GPR183: variants seen among roughly 807,000 people sequenced by gnomAD.
GPR183 encodes G protein-coupled receptor 183.
In GPR183, 9 loss-of-function variants were observed where a neutral mutation model predicts 19.7. The observed-to-expected ratio is 0.46, with a 90% confidence interval of 0.28 to 0.80. The LOEUF is 0.80. Among genes scored for constraint, GPR183 ranks in the 30% least tolerant of loss-of-function variants. The pLI is 0.13. For missense variants in GPR183, 368 were observed against 446.7 expected (o/e 0.82, Z 1.59); for synonymous variants, 160 against 155.1 (o/e 1.03, Z -0.24).
chr13:99,298,175 CTT>C (rs1246831771), intron 1 of GPR183, among the ~76,000 whole-genome samples: 2 of 152,086 alleles, frequency 1.3e-5, no homozygotes, highest in African/African-American at 4.8e-5. Context: ...AGATTAAAGA[CTT>C]ATTTACTCAA....
chr13:99,303,180 A>C (rs2044281593), intron 1 of GPR183, among the ~76,000 whole-genome samples: 1 of 152,250 alleles, frequency 6.6e-6, no homozygotes. Flanking sequence ...GACCAAGTAC[A>C]GAGAACTTCT....
At chr13:99,299,757 G>A (rs1347355707) in intron 1 of GPR183, among the ~76,000 whole-genome samples, 4 of 152,058 alleles carry the variant, frequency 2.6e-5, no homozygotes, top group African/African-American at 4.8e-5. Context: ...TTTGCATTGT[G>A]TCATCATGTA....
chr13:99,299,516 A>G (rs544226598), intron 1 of GPR183, among the ~76,000 whole-genome samples: 1 of 152,268 alleles, frequency 6.6e-6, no homozygotes, highest in Admixed American at 6.5e-5. Context: ...TTGTATGAGT[A>G]ATTTTGGGGC....
intron 1 of GPR183, among the ~76,000 whole-genome samples, chr13:99,296,663 T>C (rs1039919088): frequency 2.6e-5 from 4 of 152,184 alleles, no homozygotes; most frequent in Admixed American, 6.6e-5. Context: ...TAGTGAAATA[T>C]GAACTTACCA....
chr13:99,304,824 G>A (rs771611060), intron 1 of GPR183, among the ~76,000 whole-genome samples: 6 of 152,168 alleles, frequency 3.9e-5, no homozygotes, highest in South Asian at 2.1e-4. Flanking sequence ...GTCACATTCA[G>A]TACAATACAT....
rs114174757 is a variant in GPR183, at chr13:99,302,755, C to A, written c.-19+4585G>T. ...CTGTGACCAGCATAGTCAGAGCCTC[C>A]TGGTGCTTCATTAGTAAAGTCAAAT... is the stretch of plus-strand genomic sequence containing the variant. On this transcript the variant is annotated intron_variant, in intron 1 of 1. Transcript: ENST00000376414. Among the ~76,000 whole-genome samples the A allele has an allele frequency of 3.5e-3, 527 of 152,310 alleles. 4 individuals carry two copies. Among genetic ancestry groups the A allele is most frequent in the African/African-American group, 0.012 (510 of 41,560 alleles).
intron 1 of GPR183, among the ~76,000 whole-genome samples, chr13:99,300,629 G>A (rs749470980): frequency 6.6e-6 from 1 of 152,158 alleles, no homozygotes; most frequent in African/African-American, 2.4e-5. Context: ...CTTTCATTCA[G>A]CAGGAAAATG....
Position 99,295,899 on chromosome 13 carries a change from C to T in GPR183, c.247G>A (p.Ala83Thr), listed in dbSNP as rs760089153. 34 of 1,612,320 alleles carry T rather than the reference C, an allele frequency of 2.1e-5. No individual in the cohort carries two copies. In the Middle Eastern group the frequency reaches 8.2e-4, roughly 39 times the overall value. Residue 83 changes from alanine to threonine, a missense_variant, in exon 2 of 2, where the codon GCT (alanine) becomes ACT (threonine). Physicochemically the swap from Ala to Thr is moderately conservative, Grantham distance 58. Transcript: ENST00000376414. This position sits in a 1 kb window ranked among gnomAD's most constrained non-coding sequence, Gnocchi z 4.1. ...LVISDILFTT[A>T]LPTRIAYYAM... is the part of the protein sequence containing the mutation. ...TAGTAGGCTATTCGTGTAGGCAAAG[C>T]GGTGGTAAAAAGTATATCAGAAATC... is the stretch of plus-strand genomic sequence containing the variant.
chr13:99,302,566 T>G (rs936324100), intron 1 of GPR183, among the ~76,000 whole-genome samples: 1 of 152,248 alleles, frequency 6.6e-6, no homozygotes, highest in Non-Finnish European at 1.5e-5. Flanking sequence ...TGGCCCAGTG[T>G]CACACATACT....
Position 99,294,548 on chromosome 13 carries a change from T to C in GPR183, c.*512A>G, listed in dbSNP as rs985911071. The C allele has an allele frequency of 2.6e-5, 4 of 152,908 alleles. No homozygotes were observed. Among genetic ancestry groups the C allele is most frequent in the African/African-American group, 9.7e-5 (4 of 41,448 alleles). The allele number at this position is 152,908 out of a possible 1,614,324, so 9.5% of individuals were successfully genotyped here. ...GGGACAGACTCATAACTTTGCAGCATCCTGCTCTTTATTCCAAAAGAGTTC... is the reference window on the plus strand; with the variant it reads ...GGGACAGACTCATAACTTTGCAGCACCCTGCTCTTTATTCCAAAAGAGTTC... On this transcript the variant is annotated 3_prime_UTR_variant, in exon 2 of 2. Transcript: ENST00000376414.
At position 99,295,626 on chromosome 13, in the gene GPR183, G is replaced by C; in HGVS notation, c.520C>G (p.Gln174Glu). The C allele has an allele frequency of 6.2e-7, 1 of 1,614,160 alleles. No homozygotes were observed. The highest frequency in any genetic ancestry group is 8.5e-7 in the Non-Finnish European group (1 of 1,180,034). Residue 174 changes from glutamine (Q) to glutamate (E), a missense_variant, in exon 2 of 2, where the codon CAG becomes GAG. By Grantham distance (29) the Gln-to-Glu change is conservative (BLOSUM62 2). Transcript: ENST00000376414. This position sits in a 1 kb window ranked among gnomAD's most constrained non-coding sequence, Gnocchi z 4.1. The stretch of plus-strand genomic sequence containing the variant: ...ATGCATGTAATCCTTTCAGCCTCCT[G>C]CTTTGACATAGGGTTGATGAGGAGT... ...LPLLINPMSKQEAERITCMEY... is the reference protein window; with the variant it reads ...LPLLINPMSKEEAERITCMEY...
Position 99,303,004 on chromosome 13 carries a change from A to G in GPR183, c.-19+4336T>C, listed in dbSNP as rs1594106294. Among the ~76,000 whole-genome samples, 5 of 53,740 alleles carry G rather than the reference A, an allele frequency of 9.3e-5. No individual in the cohort carries two copies. The South Asian group carries it at 4.4e-3, about 47-fold the overall frequency. The allele number at this position is 53,740 out of a possible 152,430, so 35.3% of individuals were successfully genotyped here. A position where few individuals can be genotyped will look rare whatever the true frequency, so the allele number is the denominator to read the frequency against. On this transcript the variant is annotated intron_variant, in intron 1 of 1. Transcript: ENST00000376414. ...TGACTGTGGTCCGTCTGTTTGGGGG[A>G]CCTCCCCTGCCTCCTGGGGGCTTGC...
At chr13:99,298,101 G>A (rs2044203271) in intron 1 of GPR183, among the ~76,000 whole-genome samples, 1 of 152,082 alleles carries the variant, frequency 6.6e-6, no homozygotes, top group Non-Finnish European at 1.5e-5. Flanking sequence ...GGAGAAATTG[G>A]CAAATTCACA....
chr13:99,299,734 C>T (rs2044229733), intron 1 of GPR183, among the ~76,000 whole-genome samples: 1 of 152,106 alleles, frequency 6.6e-6, no homozygotes, highest in Non-Finnish European at 1.5e-5. Flanking sequence ...CATTGACTTA[C>T]TAGTTGTGTA....
In GPR183 at chr13:99,299,946, T is replaced by C. The variant is rs2044233984; in HGVS notation, c.-18-3783A>G. The stretch of plus-strand genomic sequence containing the variant: ...GATCCCTCTCTGTGATGACCTGGCT[T>C]CAGGTTTCTTCCTCTGTTCAGTCCT... On this transcript the variant is annotated intron_variant, in intron 1 of 1. Coordinates refer to ENST00000376414, the MANE Select transcript of GPR183 (RefSeq NM_004951.5). 2.0e-5 allele frequency among the ~76,000 whole-genome samples: 3 copies of C among 152,210 alleles called. No individual in the cohort carries two copies. The South Asian group carries it at 6.2e-4, about 31-fold the overall frequency.
chr13:99,295,651 T>G lies in GPR183; in HGVS notation c.495A>C (p.Pro165=), dbSNP rs1203072732. The G allele has an allele frequency of 4.3e-6, 7 of 1,613,908 alleles. No homozygotes were observed. The highest frequency in any genetic ancestry group is 5.9e-6 in the Non-Finnish European group (7 of 1,180,000). ...GCTTTGACATAGGGTTGATGAGGAG[T>G]GGGAGTGTCTGAGCAAATACTAGAA... The part of the protein sequence containing the change: ...VWILVFAQTL[P]LLINPMSKQE... The change falls in exon 2 of 2, where the codon CCA becomes CCC. Residue 165 remains proline, a synonymous_variant. Transcript: ENST00000376414. This position sits in a 1 kb window ranked among gnomAD's most constrained non-coding sequence, Gnocchi z 4.1.
chr13:99,300,047 GC>G (rs2044235800), intron 1 of GPR183, among the ~76,000 whole-genome samples: 1 of 152,168 alleles, frequency 6.6e-6, no homozygotes, highest in African/African-American at 2.4e-5. Flanking sequence ...GGCTCTAAGG[GC>G]CATCCTCAAC....
At position 99,295,020 on chromosome 13, in the gene GPR183, C is replaced by T; in HGVS notation, c.*40G>A. On this transcript the variant is annotated 3_prime_UTR_variant, in exon 2 of 2. Coordinates refer to ENST00000376414, the MANE Select transcript of GPR183 (RefSeq NM_004951.5). The surrounding 1 kb of genome is among the most constrained non-coding windows in gnomAD (Gnocchi z 4.1). ...ATAAGGGAAGTCCTGCAAAGTTTGT[C>T]ATACAGTTTACGTCACTATAAACCA... 1.3e-6 allele frequency: 2 copies of T among 1,561,318 alleles called. No individual in the cohort carries two copies. Among genetic ancestry groups the T allele is most frequent in the Non-Finnish European group, 8.7e-7 (1 of 1,155,768 alleles).
At chr13:99,296,834 A>G (rs1417304942) in intron 1 of GPR183, among the ~76,000 whole-genome samples, 1 of 152,222 alleles carries the variant, frequency 6.6e-6, no homozygotes, top group Admixed American at 6.5e-5. Context: ...ATGAGAGAGA[A>G]AAAGACTTAA....
Sources: allele counts gnomAD v4.1 joint callset (sites outside exome capture counted in the v4.1 genomes callset), GRCh38; gene constraint gnomAD v4.1.1; non-coding constraint Gnocchi (gnomAD v3.1); transcripts MANE v1.5; gene names NCBI Gene and HGNC (gene_info 2026-07-23, HGNC 2026-07-21).